FEZ2: variants seen among roughly 807,000 people sequenced by gnomAD.
FEZ2 encodes fasciculation and elongation protein zeta 2.
In FEZ2, 51 loss-of-function variants were observed where a neutral mutation model predicts 40.4. That is an observed-to-expected ratio of 1.26 (90% CI 1.01 to 1.59). FEZ2 has a LOEUF of 1.59. FEZ2 is among the 40% of genes most tolerant of loss of function. The probability of loss-of-function intolerance (pLI) is 0.00; values close to 1 mark genes in which losing one functional copy is unlikely to be tolerated. For synonymous variants in FEZ2, 242 were observed against 172.0 expected, an observed-to-expected ratio of 1.41 and a Z score of -3.18; for missense variants, 640 against 438.3, an observed-to-expected ratio of 1.46 and a Z score of -4.11.
chr2:36,578,483 G>T, intron 5 of FEZ2, 114 bp downstream of exon 5: 1 of 1,070,494 alleles, frequency 9.3e-7, no homozygotes, highest in Non-Finnish European at 1.4e-6. Context: ...CTGATTAGAA[G>T]TGTTAACACT....
rs897582653 is a variant in FEZ2, at chr2:36,566,784, C to T, written c.904-8271G>A. Among the ~76,000 whole-genome samples the T allele has an allele frequency of 3.3e-5, 5 of 152,330 alleles. No individual in the cohort carries two copies. In the South Asian group the frequency reaches 1.0e-3, roughly 32 times the overall value. The stretch of plus-strand genomic sequence containing the variant: ...TGCCACTAATTGTGTGACAGGAGGG[C>T]AGTCACTTTACTGCCAAGGCCTGTT... On this transcript the variant is annotated intron_variant, in intron 5 of 7. Transcript: ENST00000405912.
chr2:36,594,454 GGC>G (rs1669155517), intron 1 of FEZ2: 1 of 201,866 alleles, frequency 5.0e-6, no homozygotes, highest in Admixed American at 5.7e-5. Flanking sequence ...CATGGCAGGA[GGC>G]AAAAGGCACT....
intron 1 of FEZ2, among the ~76,000 whole-genome samples, chr2:36,594,163 G>T (rs1005320784): frequency 1.3e-5 from 2 of 151,980 alleles, no homozygotes; most frequent in Non-Finnish European, 2.9e-5. Context: ...ATTGCTGTCA[G>T]CATTTTGGGA....
intron 5 of FEZ2, among the ~76,000 whole-genome samples, chr2:36,572,809 G>C (rs185230185): frequency 3.3e-5 from 5 of 152,276 alleles, no homozygotes; most frequent in Admixed American, 3.3e-4. Flanking sequence ...CCCAAACAAA[G>C]GCTATCAATC....
chr2:36,575,195 T>G (rs533819905), intron 5 of FEZ2, among the ~76,000 whole-genome samples: 2 of 152,152 alleles, frequency 1.3e-5, no homozygotes, highest in Non-Finnish European at 2.9e-5. Context: ...TTCACCACTG[T>G]GGTTTTTCTG....
chr2:36,578,555 C>T, intron 5 of FEZ2, 42 bp downstream of exon 5: 2 of 1,579,022 alleles, frequency 1.3e-6, no homozygotes, highest in South Asian at 1.2e-5. Flanking sequence ...TACCACAGAA[C>T]CTGTTTCCAG....
At chr2:36,564,002 G>A (rs1668165314) in intron 5 of FEZ2, among the ~76,000 whole-genome samples, 1 of 152,084 alleles carries the variant, frequency 6.6e-6, no homozygotes, top group African/African-American at 2.4e-5. Flanking sequence ...TGTGCCTCTG[G>A]ATTCTGTCCC....
Position 36,598,054 on chromosome 2 carries a change from G to A in FEZ2, c.89C>T (p.Pro30Leu), listed in dbSNP as rs2148356851. The change falls in exon 1 of 8, where the codon CCC becomes CTC. Residue 30 changes from proline (P) to leucine (L), a missense_variant. Transcript: ENST00000405912. ...LLDQENCNAS[P>L]EPGAEAGAEA... ...GGCCCCCGCCTCCGCCCCAGGCTCGGGGCTCGCGTTACAGTTCTCCTGGTC... is the reference window on the plus strand; with the variant it reads ...GGCCCCCGCCTCCGCCCCAGGCTCGAGGCTCGCGTTACAGTTCTCCTGGTC... The A allele has an allele frequency of 2.7e-6, 4 of 1,499,300 alleles. No homozygotes were observed. Among genetic ancestry groups the A allele is most frequent in the East Asian group, 5.6e-5 (2 of 35,628 alleles). The allele number at this position is 1,499,300 out of a possible 1,614,324, so 92.9% of individuals were successfully genotyped here.
Position 36,597,921 on chromosome 2 carries a change from C to G in FEZ2, c.222G>C (p.Thr74=), listed in dbSNP as rs1316636410. ...TGCGCTCCGTGATGGGCCGCACGGC[C>G]GTCCTCGGGGGCTCGGCGCCCGGAT... The part of the protein sequence containing the change: ...PSDPGAEPPR[T]AVRPITERSL... The change falls in exon 1 of 8, where the codon ACG becomes ACC. Residue 74 remains threonine (T), a synonymous_variant. Transcript: ENST00000405912. 1.4e-6 allele frequency: 2 copies of G among 1,426,322 alleles called. No homozygotes were observed. The allele number at this position is 1,426,322 out of a possible 1,614,324, so 88.4% of individuals were successfully genotyped here.
chr2:36,594,761 T>C (rs1344490220), intron 1 of FEZ2, among the ~76,000 whole-genome samples: 1 of 152,198 alleles, frequency 6.6e-6, no homozygotes, highest in Non-Finnish European at 1.5e-5. Flanking sequence ...GTCCAGAATT[T>C]GAGGAGTTTG....
intron 5 of FEZ2, among the ~76,000 whole-genome samples, chr2:36,577,952 A>C (rs1462833148): frequency 2.0e-5 from 3 of 152,260 alleles, no homozygotes; most frequent in Non-Finnish European, 2.9e-5. Context: ...CACACAAACA[A>C]AATCAAGGTG....
At chr2:36,564,647 TGAG>T (rs796415715) in intron 5 of FEZ2, among the ~76,000 whole-genome samples, 4 of 152,154 alleles carry the variant, frequency 2.6e-5, no homozygotes, top group African/African-American at 4.8e-5. Flanking sequence ...AAAAGCTGCC[TGAG>T]GAGATGACAT....
intron 5 of FEZ2, among the ~76,000 whole-genome samples, chr2:36,572,937 CT>C (rs1668458926): frequency 1.3e-5 from 2 of 152,166 alleles, no homozygotes; most frequent in Non-Finnish European, 2.9e-5. Flanking sequence ...CAGCAATTCT[CT>C]CCCTAACCCC....
chr2:36,561,085 T>G (rs1382990733), intron 5 of FEZ2, among the ~76,000 whole-genome samples: 1 of 152,266 alleles, frequency 6.6e-6, no homozygotes, highest in Non-Finnish European at 1.5e-5. Flanking sequence ...TTTATGCTAC[T>G]ATATTCATGC....
rs1668646460 is a variant in FEZ2 at position 36,578,690 on chromosome 2, CTGTT to C, written c.806_809del (p.Lys269ArgfsTer14). 4 of 1,613,876 alleles carry C rather than the reference CTGTT, an allele frequency of 2.5e-6. No individual in the cohort carries two copies. The highest frequency in any genetic ancestry group is 3.4e-6 in the Non-Finnish European group (4 of 1,179,824). On this transcript the variant is annotated frameshift_variant, in exon 5 of 8. Transcript: ENST00000405912. LOFTEE classifies it high-confidence loss of function. ...TTTTTGCTGTTTCTTTGTGCTCTTT[CTGTT>C]TGTTTTGCACTTCAATAAGAACAGA...
In FEZ2 at chr2:36,583,565, C is replaced by G. The variant is rs115268970; in HGVS notation, c.376-96G>C. The stretch of plus-strand genomic sequence containing the variant: ...AAGAGGCTGCAGAGAAAAGCAACTA[C>G]TAAGAGCCTTCCCTCAAGAGGGAGA... On this transcript the variant is annotated intron_variant, in intron 2 of 7. Coordinates refer to ENST00000405912, the MANE Select transcript of FEZ2 (RefSeq NM_005102.3). The G allele has an allele frequency of 4.0e-3, 2,736 of 689,854 alleles. 22 individuals carry two copies. The highest frequency in any genetic ancestry group is 0.017 in the Middle Eastern group (41 of 2,476). 42.7% of individuals were successfully genotyped at this position (689,854 alleles called of 1,614,324 possible).
chr2:36,571,998 G>A (rs1668429200), intron 5 of FEZ2, among the ~76,000 whole-genome samples: 1 of 132,222 alleles, frequency 7.6e-6, no homozygotes, highest in South Asian at 2.6e-4. Flanking sequence ...ATGAGCGGCT[G>A]AGTGAGACTC....
chr2:36,569,748 A>T (rs1668355600), intron 5 of FEZ2, among the ~76,000 whole-genome samples: 1 of 152,184 alleles, frequency 6.6e-6, no homozygotes, highest in Non-Finnish European at 1.5e-5. Flanking sequence ...CCGCTATCAA[A>T]CTTGTTTCTC....
chr2:36,583,030 G>C (rs930915249), intron 3 of FEZ2, among the ~76,000 whole-genome samples: 1 of 152,146 alleles, frequency 6.6e-6, no homozygotes, highest in South Asian at 2.1e-4. Flanking sequence ...TTTACAGTTT[G>C]TCCGTGTTTG....
Sources: gnomAD v4.1 joint callset for allele counts (sites outside exome capture counted in the v4.1 genomes callset) on GRCh38, gnomAD v4.1.1 for gene constraint, MANE v1.5 for transcripts, NCBI Gene and HGNC (gene_info 2026-07-23, HGNC 2026-07-21) for gene names.